The following OSBPL5 variants were observed in gnomAD, a reference collection of about 807,000 sequenced individuals.
OSBPL5 encodes oxysterol binding protein like 5, also known as oxysterol-binding protein-related protein 5.
OSBPL5 carries 71 observed loss-of-function variants against 111.2 expected under a neutral mutation model. That is an observed-to-expected ratio of 0.64 (90% CI 0.53 to 0.78). OSBPL5 has a LOEUF of 0.78. Ranked by LOEUF, OSBPL5 falls within the 30% of genes least tolerant of loss-of-function variation. The pLI is 0.00. For synonymous variants in OSBPL5, 549 were observed against 513.9 expected, an observed-to-expected ratio of 1.07 and a Z score of -0.93; for missense variants, 1,210 against 1,189.3, an observed-to-expected ratio of 1.02 and a Z score of -0.26.
At position 3,154,581 on chromosome 11, in the gene OSBPL5, TC is replaced by T. The variant is rs1324891518; in HGVS notation, c.-22+10634del. ...ATGGGTGCGGAAGGCTCTGATCACA[TC>T]AAAATCTTACTCCGGGCAAATGCTG... On this transcript the variant is annotated intron_variant, in intron 1 of 21. Transcript: ENST00000263650. This position sits in a 1 kb window ranked among gnomAD's most constrained non-coding sequence, Gnocchi z 4.9. 6.6e-6 allele frequency among the ~76,000 whole-genome samples: 1 copy of T among 152,106 alleles called. No individual in the cohort carries two copies.
Position 3,107,771 on chromosome 11 carries a change from G to A in OSBPL5, c.866C>T (p.Pro289Leu), listed in dbSNP as rs748857352. ...ATVHPDQDLF[P>L]LNGSSLENDA... ...GCCCCTGTGCCCTCGCCCCACTCAC[G>A]GGAACAGGTCTTGGTCTGGGTGGAC... Residue 289 changes from proline to leucine, a missense_variant and splice_region_variant, in exon 8 of 22, where the codon CCA becomes CTA. Physicochemically the swap from Pro to Leu is moderately conservative, Grantham distance 98 (BLOSUM62 -3). Transcript: ENST00000263650. This position sits in a 1 kb window ranked among gnomAD's most constrained non-coding sequence, Gnocchi z 6.1. 3.2e-5 allele frequency: 52 copies of A among 1,611,448 alleles called. No homozygotes were observed. Among genetic ancestry groups the A allele is most frequent in the South Asian group, 7.7e-5 (7 of 91,052 alleles).
intron 14 of OSBPL5, among the ~76,000 whole-genome samples, chr11:3,098,592 A>C (rs1362501826): frequency 2.1e-5 from 3 of 140,504 alleles, no homozygotes; most frequent in Non-Finnish European, 4.5e-5. Flanking sequence ...TGCATCCTTC[A>C]ACTCCCGGGT....
At chr11:3,088,403 C>G in intron 21 of OSBPL5, 60 bp from the exon 22 acceptor site, 1 of 1,425,212 alleles carries the variant, frequency 7.0e-7, no homozygotes, top group Non-Finnish European at 9.2e-7. Context: ...CCCCCTCCCA[C>G]AAGCCAGGAC....
Position 3,120,491 on chromosome 11 carries a change from C to T in OSBPL5, c.536G>A (p.Arg179Gln), listed in dbSNP as rs1394898068. 5.0e-6 allele frequency: 8 copies of T among 1,613,272 alleles called. No homozygotes were observed. Among genetic ancestry groups the T allele is most frequent in the East Asian group, 2.2e-5 (1 of 44,896 alleles). ...VLLHCCELIE[R>Q]PSKKDGFCFK... The stretch of plus-strand genomic sequence containing the variant: ...GCAGAAGCCGTCCTTCTTGGAGGGC[C>T]GCTCGATGAGCTCGCAGCAGTGCAG... The change falls in exon 6 of 22, where the codon CGG (arginine) becomes CAG (glutamine). Residue 179 changes from arginine to glutamine, a missense_variant. Coordinates refer to ENST00000263650, the MANE Select transcript of OSBPL5 (RefSeq NM_020896.4).
rs1427761776 is a variant in OSBPL5 at position 3,113,966 on chromosome 11, GA to G, written c.691+5580del. On this transcript the variant is annotated intron_variant, in intron 7 of 21. Coordinates refer to ENST00000263650, the MANE Select transcript of OSBPL5 (RefSeq NM_020896.4). The surrounding 1 kb of genome is among the most constrained non-coding windows in gnomAD (Gnocchi z 4.8). ...ATGGTGTTTCCATAATTTAAATAAT[GA>G]CAATTGCAGTTTTTATAAATAATCT... 6.6e-6 allele frequency among the ~76,000 whole-genome samples: 1 copy of G among 152,064 alleles called. No individual in the cohort carries two copies. The highest frequency in any genetic ancestry group is 1.5e-5 in the Non-Finnish European group (1 of 67,986).
chr11:3,158,619 GCT>G (rs2134562548), intron 1 of OSBPL5, among the ~76,000 whole-genome samples: 1 of 152,372 alleles, frequency 6.6e-6, no homozygotes, highest in Admixed American at 6.5e-5. Flanking sequence ...CCTCTTCTGG[GCT>G]GCACACTGGT....
rs765880924 is a variant in OSBPL5 at position 3,122,096 on chromosome 11, C to T, written c.303G>A (p.Ala101=). 1.9e-5 allele frequency: 29 copies of T among 1,563,936 alleles called. No individual in the cohort carries two copies. Among genetic ancestry groups the T allele is most frequent in the East Asian group, 4.7e-5 (2 of 42,924 alleles). The stretch of plus-strand genomic sequence containing the variant: ...TCTCCTGCCGGTAGTTCTCCTTCTG[C>T]GCCTGGGCCCGGGGCACCCGCGGTG... ...ARVTKKETLK[A]QKENYRQEKK... The change falls in exon 5 of 22, where the codon GCG becomes GCA. Residue 101 remains alanine (A), a splice_region_variant and synonymous_variant. Transcript: ENST00000263650.
rs1846959773 is a variant in OSBPL5 at position 3,161,318 on chromosome 11, T to A, written c.-22+3898A>T. ...AGGTGAGACACCCTAAGGGCTCCATTCCTAAATCAGAGATGATGGGACTCT... is the reference window on the plus strand; with the variant it reads ...AGGTGAGACACCCTAAGGGCTCCATACCTAAATCAGAGATGATGGGACTCT... On this transcript the variant is annotated intron_variant, in intron 1 of 21. Coordinates refer to ENST00000263650, the MANE Select transcript of OSBPL5 (RefSeq NM_020896.4). This position sits in a 1 kb window ranked among gnomAD's most constrained non-coding sequence, Gnocchi z 8.0. The A allele has an allele frequency of 6.6e-6, 1 of 152,136 alleles. No homozygotes were observed. Among genetic ancestry groups the A allele is most frequent in the Non-Finnish European group, 1.5e-5 (1 of 68,026 alleles). The allele number at this position is 152,136 out of a possible 1,614,324, so 9.4% of individuals were successfully genotyped here. A position where few individuals can be genotyped will look rare whatever the true frequency, so the allele number is the denominator to read the frequency against.
chr11:3,130,608 G>A lies in OSBPL5; in HGVS notation c.-21-1439C>T, dbSNP rs1858792144. Among the ~76,000 whole-genome samples, 2 of 152,236 alleles carry A rather than the reference G, an allele frequency of 1.3e-5. No homozygotes were observed. Among genetic ancestry groups the A allele is most frequent in the South Asian group, 2.1e-4 (1 of 4,824 alleles). On this transcript the variant is annotated intron_variant, in intron 1 of 21. Transcript: ENST00000263650. This position sits in a 1 kb window ranked among gnomAD's most constrained non-coding sequence, Gnocchi z 4.5. The stretch of plus-strand genomic sequence containing the variant: ...CCCTCCCTCACCTGGCCCCTGGCTC[G>A]GCTCATGACCTTGGCCATCTTACAC...
intron 14 of OSBPL5, among the ~76,000 whole-genome samples, chr11:3,097,650 C>T (rs1857318448): frequency 1.3e-5 from 2 of 152,170 alleles, no homozygotes; most frequent in African/African-American, 4.8e-5. Flanking sequence ...GACACAGCAG[C>T]AAACAAAACA....
At chr11:3,096,481 T>C (rs1857256557) in intron 14 of OSBPL5, among the ~76,000 whole-genome samples, 1 of 151,888 alleles carries the variant, frequency 6.6e-6, no homozygotes, top group African/African-American at 2.4e-5. Flanking sequence ...TAGCTAGGTG[T>C]GGTGGCGCAC....
intron 7 of OSBPL5, among the ~76,000 whole-genome samples, chr11:3,111,731 G>GA (rs112039718): frequency 0.24 from 36,051 of 148,378 alleles, 4,439 homozygotes; most frequent in South Asian, 0.31. Flanking sequence ...CCAGCAAAAG[G>GA]AAAAAAAAAA....
At position 3,119,580 on chromosome 11, in the gene OSBPL5, A is replaced by G. The variant is rs1000451056; in HGVS notation, c.658T>C (p.Tyr220His). ...GSITQPLPSS[Y>H]LIFRAASESD... The stretch of plus-strand genomic sequence containing the variant: ...TCGGAGGCGGCCCTGAAGATCAGGT[A>G]GCTGCTGGGCAGGGGCTGTGTGATG... The change falls in exon 7 of 22, where the codon TAC (tyrosine) becomes CAC (histidine). Residue 220 changes from tyrosine (Y) to histidine (H), a missense_variant. By Grantham distance (83) the Tyr-to-His change is moderately conservative (BLOSUM62 2). Coordinates refer to ENST00000263650, the MANE Select transcript of OSBPL5 (RefSeq NM_020896.4). The G allele has an allele frequency of 9.5e-6, 15 of 1,578,910 alleles. No homozygotes were observed. Among genetic ancestry groups the G allele is most frequent in the Non-Finnish European group, 1.3e-5 (15 of 1,166,920 alleles).
At chr11:3,112,175 T>C (rs1229329787) in intron 7 of OSBPL5, among the ~76,000 whole-genome samples, 1 of 152,218 alleles carries the variant, frequency 6.6e-6, no homozygotes, top group Non-Finnish European at 1.5e-5. Flanking sequence ...TCTGTTTTTG[T>C]TTTTCTCCTA....
intron 14 of OSBPL5, among the ~76,000 whole-genome samples, chr11:3,097,377 T>C (rs1257358361): frequency 6.6e-6 from 1 of 152,076 alleles, no homozygotes; most frequent in Non-Finnish European, 1.5e-5. Flanking sequence ...ACATTTGTAT[T>C]GGGCCTGCGC....
chr11:3,129,983 T>C (rs1462955336), intron 1 of OSBPL5, among the ~76,000 whole-genome samples: 1 of 152,200 alleles, frequency 6.6e-6, no homozygotes, highest in Non-Finnish European at 1.5e-5. Flanking sequence ...GTTTCTTGTT[T>C]CCTCCCCTGG....
intron 7 of OSBPL5, among the ~76,000 whole-genome samples, 159 bp downstream of exon 7, chr11:3,119,388 G>A (rs1345512194): frequency 2.6e-5 from 4 of 152,214 alleles, no homozygotes; most frequent in Non-Finnish European, 4.4e-5. Context: ...GTGAGTGTAG[G>A]CCTGACTCCG....
In OSBPL5 at chr11:3,154,725, T is replaced by C. The variant is rs1846699412; in HGVS notation, c.-22+10491A>G. Among the ~76,000 whole-genome samples the C allele has an allele frequency of 6.6e-6, 1 of 152,066 alleles. No individual in the cohort carries two copies. Among genetic ancestry groups the C allele is most frequent in the Non-Finnish European group, 1.5e-5 (1 of 68,010 alleles). On this transcript the variant is annotated intron_variant, in intron 1 of 21. Coordinates refer to ENST00000263650, the MANE Select transcript of OSBPL5 (RefSeq NM_020896.4). This position sits in a 1 kb window ranked among gnomAD's most constrained non-coding sequence, Gnocchi z 4.9. ...TTATGGGCTAAATGTGTCCCCTCAA[T>C]CCATGTGTTGATGTCTCAGCCCCTA...
Position 3,104,562 on chromosome 11 carries a change from G to A in OSBPL5, c.1060-185C>T, listed in dbSNP as rs919431941. ...ATCAGATGTGAACTCTTCCCAATGC[G>A]TCTCCACCCCACCCCTGGAGCACCC... On this transcript the variant is annotated intron_variant, in intron 9 of 21. Coordinates refer to ENST00000263650, the MANE Select transcript of OSBPL5 (RefSeq NM_020896.4). The surrounding 1 kb of genome is among the most constrained non-coding windows in gnomAD (Gnocchi z 5.0). Among the ~76,000 whole-genome samples, 3 of 152,136 alleles carry A rather than the reference G, an allele frequency of 2.0e-5. No individual in the cohort carries two copies. The highest frequency in any genetic ancestry group is 6.5e-5 in the Admixed American group (1 of 15,276).
Sources: gnomAD v4.1 joint callset for allele counts (sites outside exome capture counted in the v4.1 genomes callset) on GRCh38, gnomAD v4.1.1 for gene constraint, Gnocchi (gnomAD v3.1) non-coding constraint, MANE v1.5 for transcripts, NCBI Gene and HGNC (gene_info 2026-07-23, HGNC 2026-07-21) for gene names.